Variants in RNF216 observed in about 807,000 individuals in gnomAD.
The protein encoded by RNF216 is ring finger protein 216, also known as E3 ubiquitin-protein ligase RNF216.
Under a neutral mutation model 110.8 loss-of-function variants are expected in RNF216, and 72 were observed. The observed-to-expected ratio is 0.65, with a 90% confidence interval of 0.54 to 0.79. The LOEUF (loss-of-function observed/expected upper bound fraction) is 0.79. Among genes scored for constraint, RNF216 ranks in the 30% least tolerant of loss-of-function variants. The probability of loss-of-function intolerance (pLI) is 0.00; values close to 1 mark genes in which losing one functional copy is unlikely to be tolerated. For synonymous variants in RNF216, 495 were observed against 407.5 expected (o/e 1.21, Z -2.59); for missense variants, 1,342 against 1,141.2 (o/e 1.18, Z -2.54).
rs1448421994 is a variant in RNF216 at position 5,681,218 on chromosome 7, C to T, written c.2062-28708G>A. 2.0e-5 allele frequency among the ~76,000 whole-genome samples: 3 copies of T among 152,172 alleles called. No individual in the cohort carries two copies. In the East Asian group the frequency reaches 5.8e-4, roughly 29 times the overall value. ...GCCTTTAGCAGCACCCTAAATGTTT[C>T]TCATACTATGCCTAATGTAGGAACC... On this transcript the variant is annotated intron_variant, in intron 13 of 16. Transcript: ENST00000389902.
At chr7:5,671,829 A>AAAAAAAAAAAAAAAAAAAAAAAAAT (rs1789936831) in intron 13 of RNF216, among the ~76,000 whole-genome samples, 1 of 144,886 alleles carries the variant, frequency 6.9e-6, no homozygotes, top group Admixed American at 6.9e-5. Context: ...AAAAAAAAAA[A>AAAAAAAAAAAAAAAAAAAAAAAAAT]GGACAGAGAG....
At chr7:5,743,923 A>G (rs1268022450) in intron 3 of RNF216, among the ~76,000 whole-genome samples, 2 of 152,202 alleles carry the variant, frequency 1.3e-5, no homozygotes, top group East Asian at 3.8e-4. Context: ...GAAACCAATT[A>G]AGATCCTCTA....
chr7:5,664,615 G>GGGTCAGGA (rs1789383723), intron 13 of RNF216, among the ~76,000 whole-genome samples: 1 of 152,134 alleles, frequency 6.6e-6, no homozygotes, highest in African/African-American at 2.4e-5. Flanking sequence ...GACTGGAAAT[G>GGGTCAGGA]CGCATTCTGC....
rs755562444 is a variant in RNF216, at chr7:5,641,405, G to C, written c.2160-29C>G. The C allele has an allele frequency of 3.8e-6, 6 of 1,584,708 alleles. No individual in the cohort carries two copies. In the Admixed American group the frequency reaches 5.1e-5, roughly 13 times the overall value. ...AAATAAGAAAACATAATTTGGAGCT[G>C]GGAGGGAAGATGAGGAGGAAAAAAA... On this transcript the variant is annotated intron_variant, in intron 14 of 16. Coordinates refer to ENST00000389902, the MANE Select transcript of RNF216 (RefSeq NM_207111.4).
Position 5,752,900 on chromosome 7 carries a change from T to C in RNF216, c.147A>G (p.Pro49=). The part of the protein sequence containing the change: ...DEERIPMLVT[P]APQQHEEEDL... ...CCTCTTCTTCATGCTGCTGAGGAGC[T>C]GGGGTGACCAGCATTGGAATCCTTT... The change falls in exon 3 of 17, where the codon CCA becomes CCG. Residue 49 remains proline, a synonymous_variant. Coordinates refer to ENST00000389902, the MANE Select transcript of RNF216 (RefSeq NM_207111.4). 1 of 1,612,420 alleles carries C rather than the reference T, an allele frequency of 6.2e-7. No individual in the cohort carries two copies. The highest frequency in any genetic ancestry group is 8.5e-7 in the Non-Finnish European group (1 of 1,179,326).
chr7:5,700,161 A>G (rs1791874400), intron 13 of RNF216, among the ~76,000 whole-genome samples: 1 of 152,008 alleles, frequency 6.6e-6, no homozygotes, highest in Admixed American at 6.6e-5. Context: ...TTTCTCTTCT[A>G]CCTGGAAGGC....
intron 3 of RNF216, 127 bp from the exon 4 acceptor site, chr7:5,741,942 A>G: frequency 2.3e-6 from 2 of 886,558 alleles, no homozygotes; most frequent in East Asian, 2.6e-5. Context: ...AACAATACCT[A>G]TTCTTTACAT....
chr7:5,668,203 C>T (rs1789652887), intron 13 of RNF216, among the ~76,000 whole-genome samples: 1 of 151,624 alleles, frequency 6.6e-6, no homozygotes, highest in Non-Finnish European at 1.5e-5. Flanking sequence ...AATCCCTTCT[C>T]AGAGTAAATA....
At chr7:5,650,397 G>A (rs181563968) in intron 14 of RNF216, among the ~76,000 whole-genome samples, 22 of 152,328 alleles carry the variant, frequency 1.4e-4, no homozygotes, top group Admixed American at 1.1e-3. Context: ...TGAAGGCTGT[G>A]CTTTGTAAGT....
At chr7:5,678,172 G>A (rs549873423) in intron 13 of RNF216, among the ~76,000 whole-genome samples, 25 of 152,120 alleles carry the variant, frequency 1.6e-4, no homozygotes, top group Non-Finnish European at 2.2e-4. Context: ...CCAAATCTAG[G>A]TTTACTTCTG....
chr7:5,668,730 G>A (rs938666216), intron 13 of RNF216, among the ~76,000 whole-genome samples: 4 of 152,270 alleles, frequency 2.6e-5, no homozygotes, highest in Admixed American at 6.5e-5. Flanking sequence ...TCCCAGTCCC[G>A]AGGAAGAACG....
chr7:5,712,577 T>C (rs796883828), intron 12 of RNF216, 138 bp downstream of exon 12: 28 of 790,684 alleles, frequency 3.5e-5, no homozygotes, highest in African/African-American at 1.2e-4. Flanking sequence ...AGTAAAATTA[T>C]TGATAATCTT....
chr7:5,765,823 G>A (rs112382732), intron 1 of RNF216, among the ~76,000 whole-genome samples: 213 of 150,532 alleles, frequency 1.4e-3, no homozygotes, highest in African/African-American at 5.0e-3. Flanking sequence ...AGGCGTGGCA[G>A]TATGTGCCTG....
chr7:5,722,412 C>A (rs1311573523), intron 8 of RNF216, among the ~76,000 whole-genome samples: 1 of 147,466 alleles, frequency 6.8e-6, no homozygotes, highest in African/African-American at 2.5e-5. Context: ...TTTTTTGAGA[C>A]AGAGTCTCAC....
chr7:5,643,076 G>A (rs993609567), intron 14 of RNF216, among the ~76,000 whole-genome samples: 14 of 152,028 alleles, frequency 9.2e-5, no homozygotes, highest in Non-Finnish European at 1.9e-4. Context: ...TGGGTATGGA[G>A]GGAGAAAAAA....
chr7:5,717,252 C>G (rs1453000002), intron 9 of RNF216, among the ~76,000 whole-genome samples: 2 of 152,166 alleles, frequency 1.3e-5, no homozygotes, highest in Non-Finnish European at 2.9e-5. Context: ...ACTTGGGAGG[C>G]TGAAGCAGGA....
chr7:5,669,529 G>C (rs1270404835), intron 13 of RNF216, among the ~76,000 whole-genome samples: 1 of 152,168 alleles, frequency 6.6e-6, no homozygotes, highest in African/African-American at 2.4e-5. Flanking sequence ...AGTGAGGTGA[G>C]GGGTCTGTTC....
chr7:5,674,491 G>C (rs1790139825), intron 13 of RNF216, among the ~76,000 whole-genome samples: 1 of 151,748 alleles, frequency 6.6e-6, no homozygotes, highest in Non-Finnish European at 1.5e-5. Flanking sequence ...GGCCAGGTGT[G>C]GTGGCACACA....
At chr7:5,714,731 A>C (rs1170949383) in intron 11 of RNF216, among the ~76,000 whole-genome samples, 2 of 151,548 alleles carry the variant, frequency 1.3e-5, no homozygotes, top group East Asian at 3.8e-4. Context: ...ATGTTATTTT[A>C]ATATATATTT....
Sources: allele counts gnomAD v4.1 joint callset (sites outside exome capture counted in the v4.1 genomes callset), GRCh38; gene constraint gnomAD v4.1.1; transcripts MANE v1.5; gene names NCBI Gene and HGNC (gene_info 2026-07-23, HGNC 2026-07-21).